Variants in ZBTB8OS observed in about 807,000 individuals in gnomAD.
ZBTB8OS encodes the protein tRNA splicing ligase complex subunit 1.
In ZBTB8OS, 16 loss-of-function variants were observed where a neutral mutation model predicts 29.3. The ratio of observed to expected loss-of-function variants is 0.55; its 90% CI spans 0.37 to 0.83. The LOEUF (loss-of-function observed/expected upper bound fraction) is 0.83, where lower values mean the gene tolerates loss of function less well. Ranked by LOEUF, ZBTB8OS falls within the 40% of genes least tolerant of loss-of-function variation. The pLI, the probability that ZBTB8OS is intolerant of heterozygous loss-of-function variation, is 0.00. For missense variants in ZBTB8OS, 160 were observed against 196.9 expected (o/e 0.81, Z 1.12); for synonymous variants, 70 against 64.6 (o/e 1.08, Z -0.40).
At chr1:32,644,096 A>T (rs1646648985) in intron 1 of ZBTB8OS, among the ~76,000 whole-genome samples, 1 of 152,142 alleles carries the variant, frequency 6.6e-6, no homozygotes, top group Non-Finnish European at 1.5e-5. Flanking sequence ...TACGGAAGTA[A>T]AGTAGTCAAA....
chr1:32,631,992 CTTTTTTT>C (rs71006345), intron 4 of ZBTB8OS, 113 bp from the exon 5 acceptor site: 19 of 135,728 alleles, frequency 1.4e-4, no homozygotes, highest in South Asian at 2.1e-4. Context: ...TTGGTAAAAC[CTTTTTTT>C]TTTTTTTTTT....
intron 1 of ZBTB8OS, among the ~76,000 whole-genome samples, chr1:32,643,383 G>C (rs1272671551): frequency 1.0e-4 from 5 of 48,604 alleles, no homozygotes; most frequent in Admixed American, 3.0e-4. Context: ...TTTAGTTTTT[G>C]TTTTAGTTTT....
chr1:32,650,131 T>TTTCAG (rs1342031306), intron 1 of ZBTB8OS, among the ~76,000 whole-genome samples: 10 of 152,168 alleles, frequency 6.6e-5, no homozygotes, highest in Middle Eastern at 3.2e-3. Flanking sequence ...GTAACAACCC[T>TTTCAG]GCAAACGCCT....
At chr1:32,627,891 A>G (rs1296411629) in intron 5 of ZBTB8OS, 3 of 199,724 alleles carry the variant, frequency 1.5e-5, no homozygotes, top group Non-Finnish European at 3.0e-5. Flanking sequence ...AAAAAATAAA[A>G]AAAGTTAGCT....
chr1:32,643,070 CTTT>C (rs71006346), intron 1 of ZBTB8OS, among the ~76,000 whole-genome samples: 2 of 107,500 alleles, frequency 1.9e-5, no homozygotes, highest in African/African-American at 3.6e-5. Context: ...CGTGCCTGGC[CTTT>C]TTTTTTTTTT....
chr1:32,621,612 G>A lies in ZBTB8OS; in HGVS notation c.*250C>T. On this transcript the variant is annotated 3_prime_UTR_variant, in exon 7 of 7. Transcript: ENST00000468695. The stretch of plus-strand genomic sequence containing the variant: ...ATGAGGCACACCTACTGCCACAGCA[G>A]AGAATCAAAGGACCATAACTGTCCC... 2.3e-6 allele frequency: 1 copy of A among 433,642 alleles called. No homozygotes were observed. Among genetic ancestry groups the A allele is most frequent in the Non-Finnish European group, 4.1e-6 (1 of 246,160 alleles). 26.9% of individuals were successfully genotyped at this position (433,642 alleles called of 1,614,324 possible). A position where few individuals can be genotyped will look rare whatever the true frequency, so the allele number is the denominator to read the frequency against.
chr1:32,624,836 G>A (rs1644995285), intron 6 of ZBTB8OS, among the ~76,000 whole-genome samples: 1 of 151,720 alleles, frequency 6.6e-6, no homozygotes, highest in Admixed American at 6.6e-5. Flanking sequence ...GGAGGTTGCA[G>A]TGAGCTGAGA....
chr1:32,626,737 C>A (rs1187330337), intron 6 of ZBTB8OS, among the ~76,000 whole-genome samples: 1 of 151,956 alleles, frequency 6.6e-6, no homozygotes, highest in Non-Finnish European at 1.5e-5. Context: ...TTAGTAGAGG[C>A]TAGGTTTCAC....
At chr1:32,632,553 C>G (rs1260402924) in intron 4 of ZBTB8OS, among the ~76,000 whole-genome samples, 1 of 152,028 alleles carries the variant, frequency 6.6e-6, no homozygotes, top group Non-Finnish European at 1.5e-5. Flanking sequence ...TAGCTGGGAC[C>G]ACAGGCATGT....
intron 4 of ZBTB8OS, chr1:32,633,334 C>T (rs12072927): frequency 0.021 from 4,844 of 233,144 alleles, 244 homozygotes; most frequent in African/African-American, 0.1. Context: ...CTAGCCTCGA[C>T]AACATAGCAA....
At chr1:32,644,222 T>C (rs1557814587) in intron 1 of ZBTB8OS, among the ~76,000 whole-genome samples, 1 of 152,188 alleles carries the variant, frequency 6.6e-6, no homozygotes, top group Non-Finnish European at 1.5e-5. Flanking sequence ...GACGAATTCC[T>C]GGGAACTGCG....
chr1:32,627,179 C>T (rs1293633058), intron 6 of ZBTB8OS, among the ~76,000 whole-genome samples: 1 of 152,120 alleles, frequency 6.6e-6, no homozygotes, highest in Non-Finnish European at 1.5e-5. Flanking sequence ...TCTAGAGACA[C>T]ACAGAAAGTA....
At position 32,624,403 on chromosome 1, in the gene ZBTB8OS, A is replaced by T. The variant is rs1389643450; in HGVS notation, c.418-2455T>A. ...TATTACATTTCTACCTCGAGTGCAT[A>T]AAAAAAAGTCTGAAACACTGGAGGC... On this transcript the variant is annotated intron_variant, in intron 6 of 6. Coordinates refer to ENST00000468695, the MANE Select transcript of ZBTB8OS (RefSeq NM_178547.5). Among the ~76,000 whole-genome samples, 10 of 152,114 alleles carry T rather than the reference A, an allele frequency of 6.6e-5. No individual in the cohort carries two copies. The East Asian group carries it at 1.9e-3, about 29-fold the overall frequency.
At chr1:32,646,300 T>TG in intron 1 of ZBTB8OS, among the ~76,000 whole-genome samples, 1 of 151,804 alleles carries the variant, frequency 6.6e-6, no homozygotes, top group East Asian at 1.9e-4. Flanking sequence ...CCAGCTTGGG[T>TG]GACAGAATGA....
chr1:32,631,146 A>G lies in ZBTB8OS; in HGVS notation c.380+681T>C, dbSNP rs1486100894. Among the ~76,000 whole-genome samples, 7 of 152,140 alleles carry G rather than the reference A, an allele frequency of 4.6e-5. No homozygotes were observed. In the East Asian group the frequency reaches 7.7e-4, roughly 17 times the overall value. On this transcript the variant is annotated intron_variant, in intron 5 of 6. Transcript: ENST00000468695. The stretch of plus-strand genomic sequence containing the variant: ...AGAGGCCAGAGGACTGCTTGAGCCC[A>G]GGAGTTTGAGACCAGCCTGGGCAAC...
chr1:32,631,992 CTTTTTTTT>C (rs71006345), intron 4 of ZBTB8OS, 113 bp from the exon 5 acceptor site: 5 of 135,724 alleles, frequency 3.7e-5, no homozygotes, highest in South Asian at 1.1e-4. Context: ...TTGGTAAAAC[CTTTTTTTT>C]TTTTTTTTTT....
intron 1 of ZBTB8OS, among the ~76,000 whole-genome samples, chr1:32,644,975 T>C (rs935874334): frequency 1.3e-5 from 2 of 151,448 alleles, no homozygotes; most frequent in African/African-American, 4.9e-5. Context: ...GGTCAAGAGA[T>C]TGAGACCATC....
In ZBTB8OS at chr1:32,621,966, G is replaced by GAAAAAAAAA. The variant is rs78907409; in HGVS notation, c.418-27_418-19dup. 3.3e-6 allele frequency: 3 copies of GAAAAAAAAA among 921,600 alleles called. No individual in the cohort carries two copies. The highest frequency in any genetic ancestry group is 2.4e-5 in the African/African-American group (1 of 41,546). The allele number at this position is 921,600 out of a possible 1,614,324, so 57.1% of individuals were successfully genotyped here. ...TCTGTTCCCTAAAGTTGGGGTTAGA[G>GAAAAAAAAA]AAAAAAAAAAAAAAAAGGAAAATAG... On this transcript the variant is annotated intron_variant, in intron 6 of 6. Coordinates refer to ENST00000468695, the MANE Select transcript of ZBTB8OS (RefSeq NM_178547.5).
chr1:32,647,481 G>C (rs1338875421), intron 1 of ZBTB8OS, among the ~76,000 whole-genome samples: 1 of 151,878 alleles, frequency 6.6e-6, no homozygotes, highest in African/African-American at 2.4e-5. Context: ...AATGCAGGGG[G>C]TCCCCAACCC....
Sources: gnomAD v4.1 joint callset for allele counts (sites outside exome capture counted in the v4.1 genomes callset) on GRCh38, gnomAD v4.1.1 for gene constraint, MANE v1.5 for transcripts, NCBI Gene and HGNC (gene_info 2026-07-23, HGNC 2026-07-21) for gene names.